Variants in POLR2B observed in about 807,000 individuals in gnomAD.
The protein encoded by POLR2B is RNA polymerase II subunit B.
Under a neutral mutation model 144.6 loss-of-function variants are expected in POLR2B, and 57 were observed. The ratio of observed to expected loss-of-function variants is 0.39; its 90% confidence interval spans 0.32 to 0.49. The LOEUF (loss-of-function observed/expected upper bound fraction) is 0.49. Among genes scored for constraint, POLR2B ranks in the 20% least tolerant of loss-of-function variants. POLR2B has a pLI of 0.83. For missense variants in POLR2B, 595 were observed against 1,467.4 expected (o/e 0.41, Z 9.71); for synonymous variants, 442 against 469.8 (o/e 0.94, Z 0.77).
chr4:57,026,763 TAACAA>T (rs1212310693), intron 23 of POLR2B, among the ~76,000 whole-genome samples: 8 of 151,804 alleles, frequency 5.3e-5, no homozygotes, highest in African/African-American at 1.2e-4. Flanking sequence ...TCTGTCTCGA[TAACAA>T]AACAAAACAA....
At chr4:57,000,190 C>G (rs990138754) in intron 7 of POLR2B, among the ~76,000 whole-genome samples, 2 of 152,218 alleles carry the variant, frequency 1.3e-5, no homozygotes, top group Non-Finnish European at 2.9e-5. Flanking sequence ...AATCTCAGCA[C>G]TTTGGGAGGC....
At chr4:57,007,799 C>T (rs1211328370) in intron 10 of POLR2B, among the ~76,000 whole-genome samples, 1 of 152,096 alleles carries the variant, frequency 6.6e-6, no homozygotes, top group African/African-American at 2.4e-5. Flanking sequence ...TTTGTATTTG[C>T]TTTTCATAGA....
chr4:57,012,468 G>A (rs2687239), intron 13 of POLR2B, among the ~76,000 whole-genome samples: 135,911 of 152,066 alleles, frequency 0.89, 60,751 homozygotes, highest in East Asian at 0.97. Context: ...ACTCTCCCAA[G>A]TAAGGGTTTT....
At chr4:57,005,221 A>G in intron 7 of POLR2B, 25 bp from the exon 8 acceptor site, 6 of 1,398,234 alleles carry the variant, frequency 4.3e-6, no homozygotes, top group Non-Finnish European at 5.7e-6. Flanking sequence ...ATTTGAAAAT[A>G]ACTTTTATTT....
intron 10 of POLR2B, among the ~76,000 whole-genome samples, chr4:57,008,181 A>G (rs1436937315): frequency 2.0e-5 from 3 of 148,860 alleles, no homozygotes; most frequent in Non-Finnish European, 4.4e-5. Flanking sequence ...CAAATGCCAC[A>G]TTGCAAATTC....
At chr4:56,986,462 C>G in intron 2 of POLR2B, 36 bp downstream of exon 2, 1 of 1,293,180 alleles carries the variant, frequency 7.7e-7, no homozygotes, top group Non-Finnish European at 1.1e-6. Context: ...CCTGAAAAGG[C>G]ACTTTAGATT....
intron 1 of POLR2B, among the ~76,000 whole-genome samples, chr4:56,981,259 C>T (rs896913572): frequency 5.3e-5 from 8 of 152,110 alleles, no homozygotes; most frequent in South Asian, 2.1e-4. Flanking sequence ...CCCCCCCTCC[C>T]GTGTCCCCAC....
rs997360348 is a variant in POLR2B at position 57,015,071 on chromosome 4, G to A, written c.1801-431G>A. Reference sequence around the variant, plus strand: ...GGTGGGTGTGAGCAGTCAGGCTTACGTCTGATAGGTGGGTGTGAGAAGTCA... The same window carrying A: ...GGTGGGTGTGAGCAGTCAGGCTTACATCTGATAGGTGGGTGTGAGAAGTCA... On this transcript the variant is annotated intron_variant, in intron 13 of 24. Coordinates refer to ENST00000314595, the MANE Select transcript of POLR2B (RefSeq NM_000938.3). 2.1e-5 allele frequency among the ~76,000 whole-genome samples: 3 copies of A among 145,556 alleles called. 1 individual carries two copies. Among genetic ancestry groups the A allele is most frequent in the South Asian group, 4.5e-4 (2 of 4,492 alleles).
rs1471548377 is a variant in POLR2B at position 57,030,968 on chromosome 4, C to T, written c.3505C>T (p.Pro1169Ser). ...FQELMSMSIAPRMMSV is the reference protein window; with the variant it reads ...FQELMSMSIASRMMSV ...GGAACTTATGTCTATGAGTATTGCA[C>T]CGCGAATGATGAGTGTTTAGCTATT... is the stretch of plus-strand genomic sequence containing the variant. Residue 1169 changes from proline to serine, a missense_variant, in exon 25 of 25, where the codon CCG becomes TCG. Around this residue, in one of 9 missense-constraint regions of POLR2B, gnomAD observed 45 missense variants for 80.9 expected, o/e 0.56. Transcript: ENST00000314595. 5.7e-6 allele frequency: 9 copies of T among 1,591,652 alleles called. No individual in the cohort carries two copies. Among genetic ancestry groups the T allele is most frequent in the Non-Finnish European group, 7.8e-6 (9 of 1,159,716 alleles).
chr4:57,020,076 C>T (rs1277741481), intron 16 of POLR2B, among the ~76,000 whole-genome samples: 1 of 152,140 alleles, frequency 6.6e-6, no homozygotes, highest in African/African-American at 2.4e-5. Context: ...GCTCTGCCAC[C>T]AGGCTGGAGT....
intron 6 of POLR2B, among the ~76,000 whole-genome samples, chr4:56,999,258 G>T (rs1180075052): frequency 2.9e-5 from 4 of 136,124 alleles, no homozygotes; most frequent in East Asian, 2.1e-4. Flanking sequence ...TCTTCCAGAG[G>T]TTTAATTTTT....
At chr4:56,999,556 T>G (rs1722793972) in intron 6 of POLR2B, 61 bp from the exon 7 acceptor site, 1 of 1,056,082 alleles carries the variant, frequency 9.5e-7, no homozygotes, top group East Asian at 2.4e-5. Context: ...GTTCTCTTGG[T>G]GTTTTTATAT....
chr4:57,019,938 T>C (rs1167764064), intron 16 of POLR2B, among the ~76,000 whole-genome samples: 4 of 152,186 alleles, frequency 2.6e-5, no homozygotes, highest in African/African-American at 9.6e-5. Flanking sequence ...ACCTTGACAT[T>C]TGTGAAGAGT....
chr4:57,015,577 C>T lies in POLR2B; in HGVS notation c.1876C>T (p.Leu626=). 6.6e-7 allele frequency: 1 copy of T among 1,513,966 alleles called. No homozygotes were observed. The highest frequency in any genetic ancestry group is 8.9e-7 in the Non-Finnish European group (1 of 1,118,154). 93.8% of individuals were successfully genotyped at this position (1,513,966 alleles called of 1,614,324 possible). ...TDAGRICRPL[L]IVEKQKLLLK... ...TGCAGGCCGTATTTGTAGACCACTTCTGATTGTGGAAAAACAAAAGCTACT... is the reference window on the plus strand; with the variant it reads ...TGCAGGCCGTATTTGTAGACCACTTTTGATTGTGGAAAAACAAAAGCTACT... The change falls in exon 14 of 25, where the codon CTG becomes TTG. Residue 626 remains leucine (L), a synonymous_variant. Coordinates refer to ENST00000314595, the MANE Select transcript of POLR2B (RefSeq NM_000938.3).
At chr4:57,012,180 G>GGATCACTT (rs1257251686) in intron 13 of POLR2B, among the ~76,000 whole-genome samples, 5 of 152,070 alleles carry the variant, frequency 3.3e-5, no homozygotes, top group Non-Finnish European at 7.4e-5. Flanking sequence ...TGAGGCAGGC[G>GGATCACTT]GATCACTTGA....
At position 57,017,827 on chromosome 4, in the gene POLR2B, C is replaced by T. The variant is rs1723418871; in HGVS notation, c.2323+99C>T. Reference sequence around the variant, plus strand: ...TTAAAAAATAAATATGACATAGTGCCTGTTCTCACGGAATTTATAATATGG... The same window carrying T: ...TTAAAAAATAAATATGACATAGTGCTTGTTCTCACGGAATTTATAATATGG... On this transcript the variant is annotated intron_variant, in intron 16 of 24. Transcript: ENST00000314595. The surrounding 1 kb of genome is among the most constrained non-coding windows in gnomAD (Gnocchi z 4.8). The T allele has an allele frequency of 1.4e-6, 1 of 712,270 alleles. No individual in the cohort carries two copies. The highest frequency in any genetic ancestry group is 2.3e-6 in the Non-Finnish European group (1 of 440,438). The allele number at this position is 712,270 out of a possible 1,614,324, so 44.1% of individuals were successfully genotyped here.
intron 23 of POLR2B, among the ~76,000 whole-genome samples, chr4:57,026,198 C>G (rs1447459066): frequency 2.0e-5 from 3 of 151,902 alleles, no homozygotes; most frequent in Non-Finnish European, 4.4e-5. Flanking sequence ...AGATCACACC[C>G]CTGTGCTCCA....
At chr4:57,013,641 G>A (rs919448608) in intron 13 of POLR2B, among the ~76,000 whole-genome samples, 4 of 151,722 alleles carry the variant, frequency 2.6e-5, no homozygotes, top group African/African-American at 7.3e-5. Context: ...GGGCCCCAAC[G>A]ATCCTCCCAC....
chr4:57,017,857 A>T lies in POLR2B; in HGVS notation c.2323+129A>T. 1.7e-6 allele frequency: 1 copy of T among 604,380 alleles called. No homozygotes were observed. The highest frequency in any genetic ancestry group is 2.6e-5 in the South Asian group (1 of 38,438). 37.4% of individuals were successfully genotyped at this position (604,380 alleles called of 1,614,324 possible). On this transcript the variant is annotated intron_variant, in intron 16 of 24. Coordinates refer to ENST00000314595, the MANE Select transcript of POLR2B (RefSeq NM_000938.3). This position sits in a 1 kb window ranked among gnomAD's most constrained non-coding sequence, Gnocchi z 4.8. ...CTCACGGAATTTATAATATGGTGGGAAACATGAACATAATAAAAAGGTAGG... is the reference window on the plus strand; with the variant it reads ...CTCACGGAATTTATAATATGGTGGGTAACATGAACATAATAAAAAGGTAGG...
Sources: allele counts gnomAD v4.1 joint callset (sites outside exome capture counted in the v4.1 genomes callset), GRCh38; gene constraint gnomAD v4.1.1; regional missense constraint gnomAD v4.1.1; non-coding constraint Gnocchi (gnomAD v3.1); transcripts MANE v1.5; gene names NCBI Gene and HGNC (gene_info 2026-07-23, HGNC 2026-07-21).